The following SIN3A variants were observed in gnomAD, a reference collection of about 807,000 sequenced individuals.
The protein encoded by SIN3A is SIN3 transcription regulator family member A, also known as paired amphipathic helix protein Sin3a.
SIN3A carries 14 observed loss-of-function variants against 146.1 expected under a neutral mutation model. That is an observed-to-expected ratio of 0.10 (90% CI 0.06 to 0.15). SIN3A has a LOEUF of 0.15. Ranked by LOEUF, SIN3A falls within the 10% of genes least tolerant of loss-of-function variation. The pLI, the probability that SIN3A is intolerant of heterozygous loss-of-function variation, is 1.00. For synonymous variants in SIN3A, 572 were observed against 572.0 expected (o/e 1.00, Z 0.00); for missense variants, 1,028 against 1,576.0 (o/e 0.65, Z 5.89).
intron 20 of SIN3A, among the ~76,000 whole-genome samples, chr15:75,375,113 A>G (rs1555441014): frequency 6.6e-6 from 1 of 152,162 alleles, no homozygotes; most frequent in Non-Finnish European, 1.5e-5. Flanking sequence ...TACAGGCTGA[A>G]CTGTATTCTC....
Position 75,392,908 on chromosome 15 carries a change from C to T in SIN3A, c.2278-93G>A, listed in dbSNP as rs1325030576. On this transcript the variant is annotated intron_variant, in intron 14 of 20. Coordinates refer to ENST00000394947, the MANE Select transcript of SIN3A (RefSeq NM_001145358.2). ...ATCAGCCATACATCCCATTATCAAC[C>T]ACAGTGTCTATATTTTTCTAATCAA... 2.5e-5 allele frequency: 24 copies of T among 943,254 alleles called. No homozygotes were observed. The Admixed American group carries it at 5.7e-4, about 22-fold the overall frequency. 58.4% of individuals were successfully genotyped at this position (943,254 alleles called of 1,614,324 possible).
At chr15:75,390,438 A>G (rs2073179309) in intron 15 of SIN3A, among the ~76,000 whole-genome samples, 2 of 152,258 alleles carry the variant, frequency 1.3e-5, no homozygotes, top group South Asian at 4.1e-4. Context: ...GTTGCTGCAC[A>G]TGAATCATTT....
chr15:75,399,318 G>C (rs1462397753), intron 12 of SIN3A, among the ~76,000 whole-genome samples: 2 of 152,090 alleles, frequency 1.3e-5, no homozygotes, highest in Non-Finnish European at 2.9e-5. Flanking sequence ...CACGAGGTCA[G>C]GAGATCGAGA....
chr15:75,389,132 A>G (rs1166989887), intron 16 of SIN3A, among the ~76,000 whole-genome samples: 1 of 152,144 alleles, frequency 6.6e-6, no homozygotes, highest in Non-Finnish European at 1.5e-5. Flanking sequence ...TATAAAAAGA[A>G]TTTCAAATAT....
At chr15:75,372,262 C>G in intron 20 of SIN3A, 53 bp from the exon 21 acceptor site, 1 of 1,247,776 alleles carries the variant, frequency 8.0e-7, no homozygotes, top group African/African-American at 1.5e-5. Context: ...CAAAAAAGAG[C>G]CCTTCAAATA....
intron 9 of SIN3A, among the ~76,000 whole-genome samples, chr15:75,406,011 T>C (rs948238092): frequency 2.0e-5 from 3 of 152,072 alleles, no homozygotes; most frequent in Middle Eastern, 3.2e-3. Context: ...AAAGCTCACA[T>C]AGGCACAGCA....
intron 1 of SIN3A, among the ~76,000 whole-genome samples, chr15:75,440,481 T>C (rs528077621): frequency 2.9e-4 from 44 of 152,144 alleles, no homozygotes; most frequent in African/African-American, 1.0e-3. Context: ...ATCTGCCCGC[T>C]TCAGCCACCC....
intron 17 of SIN3A, 135 bp from the exon 18 acceptor site, chr15:75,381,840 A>C: frequency 2.8e-6 from 2 of 706,124 alleles, no homozygotes; most frequent in South Asian, 3.6e-5. Context: ...AAGATACTAG[A>C]TCTTGGGTGG....
chr15:75,375,523 A>C (rs892291501), intron 20 of SIN3A, 142 bp downstream of exon 20: 3 of 669,222 alleles, frequency 4.5e-6, no homozygotes, highest in Non-Finnish European at 7.8e-6. Context: ...CTTAGCAACC[A>C]ACATACGTAC....
chr15:75,377,759 A>G (rs1034422555), intron 19 of SIN3A, among the ~76,000 whole-genome samples: 21 of 152,254 alleles, frequency 1.4e-4, no homozygotes, highest in African/African-American at 5.1e-4. Flanking sequence ...TTTGTGTGCT[A>G]AAGTACAATG....
chr15:75,394,939 CTTTAG>C (rs967584931), intron 13 of SIN3A, 76 bp from the exon 14 acceptor site: 2 of 1,407,670 alleles, frequency 1.4e-6, no homozygotes, highest in African/African-American at 2.9e-5. Flanking sequence ...GCCAGGCTTA[CTTTAG>C]TTAAAGAAAG....
At chr15:75,408,634 G>C (rs2073566120) in intron 8 of SIN3A, among the ~76,000 whole-genome samples, 1 of 152,188 alleles carries the variant, frequency 6.6e-6, no homozygotes, top group Non-Finnish European at 1.5e-5. Context: ...CAGACCATCA[G>C]TGTTAACTAT....
intron 6 of SIN3A, among the ~76,000 whole-genome samples, 153 bp downstream of exon 6, chr15:75,411,339 A>T (rs2073635312): frequency 6.6e-6 from 1 of 152,244 alleles, no homozygotes; most frequent in Non-Finnish European, 1.5e-5. Context: ...AAAAACAAAC[A>T]AACAAACAAA....
At chr15:75,431,871 G>C (rs1403657025) in intron 1 of SIN3A, among the ~76,000 whole-genome samples, 2 of 152,128 alleles carry the variant, frequency 1.3e-5, no homozygotes, top group Admixed American at 1.3e-4. Flanking sequence ...ACATACCTAA[G>C]TGGGACCCTG....
intron 16 of SIN3A, chr15:75,388,294 C>CA (rs1210788179): frequency 6.5e-6 from 1 of 152,898 alleles, no homozygotes; most frequent in Non-Finnish European, 1.5e-5. Context: ...GCCCTACTTC[C>CA]ACAAGGAATC....
chr15:75,428,487 A>G (rs1471257148), intron 2 of SIN3A, among the ~76,000 whole-genome samples: 1 of 151,416 alleles, frequency 6.6e-6, no homozygotes, highest in Admixed American at 6.6e-5. Context: ...CTAATTTTTT[A>G]TTTATTTTTT....
chr15:75,447,417 G>A (rs2074326134), intron 1 of SIN3A, among the ~76,000 whole-genome samples: 1 of 152,222 alleles, frequency 6.6e-6, no homozygotes, highest in Admixed American at 6.5e-5. Flanking sequence ...GAGACATCGA[G>A]TGGAGACCTT....
intron 2 of SIN3A, among the ~76,000 whole-genome samples, chr15:75,423,609 C>T (rs1182722426): frequency 6.6e-6 from 1 of 152,028 alleles, no homozygotes; most frequent in African/African-American, 2.4e-5. Flanking sequence ...ACCCAGGAGG[C>T]GGAGCTTGCA....
At chr15:75,419,370 G>A (rs2073800997) in intron 3 of SIN3A, 1 of 152,106 alleles carries the variant, frequency 6.6e-6, no homozygotes, top group South Asian at 2.1e-4. Flanking sequence ...CACAACAAAA[G>A]AACAGTTATC....
Sources: gnomAD v4.1 joint callset for allele counts (sites outside exome capture counted in the v4.1 genomes callset) on GRCh38, gnomAD v4.1.1 for gene constraint, MANE v1.5 for transcripts, NCBI Gene and HGNC (gene_info 2026-07-23, HGNC 2026-07-21) for gene names.